RALGAPB: variants seen among roughly 807,000 people sequenced by gnomAD.
RALGAPB encodes the protein Ral GTPase activating protein non-catalytic subunit beta.
Under a neutral mutation model 161.1 loss-of-function variants are expected in RALGAPB, and 25 were observed. The observed-to-expected ratio is 0.16, with a 90% CI of 0.11 to 0.22. RALGAPB has a LOEUF of 0.22. Ranked by LOEUF, RALGAPB falls within the 10% of genes least tolerant of loss-of-function variation. The pLI is 1.00. For synonymous variants in RALGAPB, 629 were observed against 626.1 expected (o/e 1.00, Z -0.07); for missense variants, 1,391 against 1,815.2 (o/e 0.77, Z 4.25).
chr20:38,519,513 A>G (rs2086227862), intron 9 of RALGAPB, among the ~76,000 whole-genome samples: 1 of 152,184 alleles, frequency 6.6e-6, no homozygotes, highest in Admixed American at 6.6e-5. Context: ...GCTTGCTTAA[A>G]GGGAACTTAT....
chr20:38,539,133 C>CA (rs1373291633), intron 16 of RALGAPB, among the ~76,000 whole-genome samples: 1 of 151,840 alleles, frequency 6.6e-6, no homozygotes. Context: ...GAAACCAGAC[C>CA]AAAAAAAGTA....
chr20:38,526,175 T>C, intron 13 of RALGAPB, 133 bp downstream of exon 13: 1 of 1,059,478 alleles, frequency 9.4e-7, no homozygotes, highest in Non-Finnish European at 1.4e-6. Context: ...AGGCACAAGT[T>C]AGTTTTTTAA....
chr20:38,520,585 AT>A (rs1206444853), intron 9 of RALGAPB, among the ~76,000 whole-genome samples: 2 of 79,124 alleles, frequency 2.5e-5, no homozygotes, highest in African/African-American at 1.1e-4. Flanking sequence ...TTAGTGTTTG[AT>A]TTGTATGCAT....
At chr20:38,558,089 G>T in intron 22 of RALGAPB, among the ~76,000 whole-genome samples, 1 of 152,282 alleles carries the variant, frequency 6.6e-6, no homozygotes, top group East Asian at 1.9e-4. Context: ...AATCTCAGTT[G>T]TCTTTAATTT....
At position 38,575,448 on chromosome 20, in the gene RALGAPB, TCTA is replaced by T. The variant is rs2088401340; in HGVS notation, c.*484_*486del. Reference sequence around the variant, plus strand: ...AGGAGAAGGAAAGAAGTCACAGCCTTCTACTCAGTTGTAGGTCTTCTTGTCATC... The same window carrying T: ...AGGAGAAGGAAAGAAGTCACAGCCTTCTCAGTTGTAGGTCTTCTTGTCATC... On this transcript the variant is annotated 3_prime_UTR_variant, in exon 30 of 30. Coordinates refer to ENST00000262879, the MANE Select transcript of RALGAPB (RefSeq NM_020336.4). 1 of 155,226 alleles carries T rather than the reference TCTA, an allele frequency of 6.4e-6. No individual in the cohort carries two copies. The highest frequency in any genetic ancestry group is 2.4e-5 in the African/African-American group (1 of 41,470). The allele number at this position is 155,226 out of a possible 1,614,324, so 9.6% of individuals were successfully genotyped here.
chr20:38,568,254 A>G (rs2088083084), intron 26 of RALGAPB, among the ~76,000 whole-genome samples: 1 of 145,992 alleles, frequency 6.8e-6, no homozygotes, highest in African/African-American at 2.8e-5. Flanking sequence ...AAAACAAAAA[A>G]ACAAAAACAA....
chr20:38,482,426 C>CTT (rs386393725), intron 1 of RALGAPB, among the ~76,000 whole-genome samples: 77,204 of 121,212 alleles, frequency 0.64, 27,599 homozygotes, highest in East Asian at 0.83. Flanking sequence ...GTATGTTTAT[C>CTT]TTTTTTTTTT....
chr20:38,518,491 C>G (rs185993252), intron 9 of RALGAPB, among the ~76,000 whole-genome samples: 1 of 152,218 alleles, frequency 6.6e-6, no homozygotes, highest in East Asian at 1.9e-4. Context: ...GGCACACTTT[C>G]AAAAATATTA....
At chr20:38,544,091 C>T (rs1221060576) in intron 18 of RALGAPB, among the ~76,000 whole-genome samples, 1 of 152,160 alleles carries the variant, frequency 6.6e-6, no homozygotes, top group African/African-American at 2.4e-5. Flanking sequence ...TTTCAACAGT[C>T]CCTTTGCCTG....
rs750352286 is a variant in RALGAPB, at chr20:38,574,223, A to T, written c.4216A>T (p.Ile1406Phe). The T allele has an allele frequency of 6.2e-7, 1 of 1,613,768 alleles. No homozygotes were observed. The highest frequency in any genetic ancestry group is 1.3e-5 in the African/African-American group (1 of 74,894). ...PLNTGLFRIKIQGATGKFNMV... is the reference protein window; with the variant it reads ...PLNTGLFRIKFQGATGKFNMV... ...AAACACTGGATTATTCCGGATAAAAATTCAAGGAGCCACTGGAAAATTTAA... is the reference window on the plus strand; with the variant it reads ...AAACACTGGATTATTCCGGATAAAATTTCAAGGAGCCACTGGAAAATTTAA... Residue 1406 changes from isoleucine (I) to phenylalanine (F), a missense_variant, in exon 29 of 30, where the codon ATT becomes TTT. This residue lies in a region of RALGAPB where 436 missense variants were observed against 527.0 expected (regional missense o/e 0.83). Coordinates refer to ENST00000262879, the MANE Select transcript of RALGAPB (RefSeq NM_020336.4).
intron 18 of RALGAPB, among the ~76,000 whole-genome samples, chr20:38,544,806 ACT>A (rs977125174): frequency 6.6e-6 from 1 of 151,784 alleles, no homozygotes; most frequent in Non-Finnish European, 1.5e-5. Flanking sequence ...TGATCTTTAA[ACT>A]CTATATAATA....
chr20:38,571,719 C>T (rs1207241852), intron 28 of RALGAPB, among the ~76,000 whole-genome samples: 1 of 152,166 alleles, frequency 6.6e-6, no homozygotes, highest in African/African-American at 2.4e-5. Flanking sequence ...TGGATATACA[C>T]CCTGAAGTGG....
At chr20:38,506,446 A>G (rs1168016841) in intron 5 of RALGAPB, among the ~76,000 whole-genome samples, 2 of 152,070 alleles carry the variant, frequency 1.3e-5, no homozygotes, top group Non-Finnish European at 2.9e-5. Flanking sequence ...GGCGTGCACC[A>G]CCATGCTTGG....
intron 21 of RALGAPB, among the ~76,000 whole-genome samples, chr20:38,551,839 GAAGT>G (rs1220811771): frequency 1.3e-5 from 2 of 152,180 alleles, no homozygotes; most frequent in Non-Finnish European, 2.9e-5. Context: ...GTCGGGGACA[GAAGT>G]ATGTCAGGAC....
At chr20:38,482,416 G>A (rs1301148018) in intron 1 of RALGAPB, among the ~76,000 whole-genome samples, 1 of 140,544 alleles carries the variant, frequency 7.1e-6, no homozygotes, top group Non-Finnish European at 1.5e-5. Context: ...AGTCACAGCT[G>A]TATGTTTATC....
intron 14 of RALGAPB, 69 bp from the exon 15 acceptor site, chr20:38,532,661 A>T (rs2086689302): frequency 6.4e-7 from 1 of 1,558,860 alleles, no homozygotes; most frequent in Non-Finnish European, 8.8e-7. Flanking sequence ...ATGGTTTTTA[A>T]TGATTGACCT....
At chr20:38,493,465 C>CA (rs1238576320) in intron 3 of RALGAPB, among the ~76,000 whole-genome samples, 1 of 152,202 alleles carries the variant, frequency 6.6e-6, no homozygotes, top group Non-Finnish European at 1.5e-5. Context: ...AGGCTAAACA[C>CA]AACTAAGGGA....
chr20:38,543,982 C>T (rs964780864), intron 18 of RALGAPB, among the ~76,000 whole-genome samples: 1 of 152,192 alleles, frequency 6.6e-6, no homozygotes, highest in Non-Finnish European at 1.5e-5. Flanking sequence ...CAGTGCTGAA[C>T]ACGTAGTAGA....
chr20:38,495,873 A>T (rs530342640), intron 3 of RALGAPB, among the ~76,000 whole-genome samples: 131 of 152,194 alleles, frequency 8.6e-4, no homozygotes, highest in African/African-American at 2.9e-3. Context: ...CTTTCCTGTC[A>T]TTGGGCAAAT....
Sources: allele counts gnomAD v4.1 joint callset (sites outside exome capture counted in the v4.1 genomes callset), GRCh38; gene constraint gnomAD v4.1.1; regional missense constraint gnomAD v4.1.1; transcripts MANE v1.5; gene names NCBI Gene and HGNC (gene_info 2026-07-23, HGNC 2026-07-21).